UGGT1: variants seen among roughly 807,000 people sequenced by gnomAD.
UGGT1 encodes the protein UDP-glucose:glycoprotein glucosyltransferase 1.
Under a neutral mutation model 203.9 loss-of-function variants are expected in UGGT1, and 107 were observed. That is an observed-to-expected ratio of 0.52 (90% CI 0.45 to 0.62). The LOEUF (loss-of-function observed/expected upper bound fraction) is 0.62. UGGT1 is among the 20% of genes least tolerant of loss of function. UGGT1 has a pLI of 0.00. For missense variants in UGGT1, 1,673 were observed against 1,867.2 expected, an observed-to-expected ratio of 0.90 and a Z score of 1.92; for synonymous variants, 628 against 653.5, an observed-to-expected ratio of 0.96 and a Z score of 0.59.
In UGGT1 at chr2:128,109,733, A is replaced by C. The variant is rs772240188; in HGVS notation, c.508A>C (p.Thr170Pro). 6.2e-7 allele frequency: 1 copy of C among 1,613,482 alleles called. No individual in the cohort carries two copies. Among genetic ancestry groups the C allele is most frequent in the African/African-American group, 1.3e-5 (1 of 74,926 alleles). Residue 170 changes from threonine to proline, a missense_variant, in exon 5 of 41, where the codon ACA becomes CCA. Thr to Pro is a conservative substitution (Grantham distance 38). Coordinates refer to ENST00000259253, the MANE Select transcript of UGGT1 (RefSeq NM_020120.4). The part of the protein sequence containing the change: ...ESDTLEALLL[T>P]ASERPKPLLF... ...TGATACCCTTGAGGCTCTTCTACTG[A>C]CAGCCTCTGAAAGGTAGATTATGTG... is the stretch of plus-strand genomic sequence containing the variant.
At chr2:128,175,312 G>A (rs1206309735) in intron 31 of UGGT1, among the ~76,000 whole-genome samples, 2 of 152,352 alleles carry the variant, frequency 1.3e-5, no homozygotes, top group South Asian at 2.1e-4. Flanking sequence ...TCCTTGGTCT[G>A]TGGTGGCATA....
At position 128,159,613 on chromosome 2, in the gene UGGT1, C is replaced by T. The variant is rs1181955504; in HGVS notation, c.2455C>T (p.Gln819Ter). 6.2e-7 allele frequency: 1 copy of T among 1,614,136 alleles called. No individual in the cohort carries two copies. Among genetic ancestry groups the T allele is most frequent in the South Asian group, 1.1e-5 (1 of 91,082 alleles). Residue 819 changes from glutamine to a stop codon, truncating the protein, a stop_gained, in exon 23 of 41, where the codon CAA becomes TAA. Coordinates refer to ENST00000259253, the MANE Select transcript of UGGT1 (RefSeq NM_020120.4). LOFTEE classifies it high-confidence loss of function. Reference protein sequence around the residue: ...QISRAIWAALQTQTSNAAKNF... With the variant: ...QISRAIWAAL The stretch of plus-strand genomic sequence containing the variant: ...CTCCAGAGCAATCTGGGCAGCTCTC[C>T]AAACTCAGACTTCCAACGCTGCTAA...
At position 128,121,246 on chromosome 2, in the gene UGGT1, T is replaced by C; in HGVS notation, c.1021T>C (p.Leu341=). Residue 341 remains leucine (L), a synonymous_variant, in exon 10 of 41, where the codon TTG becomes CTG. Transcript: ENST00000259253. The stretch of plus-strand genomic sequence containing the variant: ...TCGAATCTTGGCTTCTCCTGTTGAG[T>C]TGGCTTTGGTTGTCATGAAGGATCT... ...AARILASPVE[L]ALVVMKDLSQ... is the part of the protein sequence containing the mutation. The C allele has an allele frequency of 1.2e-6, 2 of 1,613,444 alleles. No homozygotes were observed. The highest frequency in any genetic ancestry group is 1.1e-5 in the South Asian group (1 of 90,860).
chr2:128,156,815 C>T (rs770853053), intron 21 of UGGT1, among the ~76,000 whole-genome samples: 1 of 152,124 alleles, frequency 6.6e-6, no homozygotes, highest in Non-Finnish European at 1.5e-5. Flanking sequence ...AGTGATCCAC[C>T]CTCCTGAACC....
At chr2:128,110,832 C>T (rs925594446) in intron 5 of UGGT1, among the ~76,000 whole-genome samples, 3 of 152,114 alleles carry the variant, frequency 2.0e-5, no homozygotes, top group South Asian at 4.1e-4. Context: ...GTAAGACTGT[C>T]CCGTAATTGG....
At position 128,159,586 on chromosome 2, in the gene UGGT1, A is replaced by G; in HGVS notation, c.2428A>G (p.Ile810Val). 1 of 1,614,220 alleles carries G rather than the reference A, an allele frequency of 6.2e-7. No homozygotes were observed. Among genetic ancestry groups the G allele is most frequent in the African/African-American group, 1.3e-5 (1 of 75,058 alleles). The change falls in exon 23 of 41, where the codon ATC (isoleucine) becomes GTC (valine). Residue 810 changes from isoleucine to valine, a missense_variant. By Grantham distance (29) the Ile-to-Val change is conservative (BLOSUM62 3). Around this residue, in one of 4 missense-constraint regions of UGGT1, gnomAD observed 1,073 missense variants for 1,078.7 expected, o/e 0.99. Coordinates refer to ENST00000259253, the MANE Select transcript of UGGT1 (RefSeq NM_020120.4). ...AKEISYENTQ[I>V]SRAIWAALQT... is the part of the protein sequence containing the mutation. Reference sequence around the variant, plus strand: ...AGAGATAAGCTATGAGAACACTCAGATCTCCAGAGCAATCTGGGCAGCTCT... The same window carrying G: ...AGAGATAAGCTATGAGAACACTCAGGTCTCCAGAGCAATCTGGGCAGCTCT...
chr2:128,165,055 A>G (rs1278522168), intron 26 of UGGT1, among the ~76,000 whole-genome samples: 1 of 152,176 alleles, frequency 6.6e-6, no homozygotes, highest in Non-Finnish European at 1.5e-5. Flanking sequence ...TGAATCTGAA[A>G]TAACTCTGAG....
chr2:128,145,768 A>T, intron 17 of UGGT1, 35 bp from the exon 18 acceptor site: 1 of 1,505,290 alleles, frequency 6.6e-7, no homozygotes. Context: ...ACAAAAGGCA[A>T]AAATATACTG....
At chr2:128,118,154 TGTTGA>T (rs374194821) in intron 8 of UGGT1, among the ~76,000 whole-genome samples, 54 of 152,308 alleles carry the variant, frequency 3.5e-4, no homozygotes, top group African/African-American at 1.2e-3. Flanking sequence ...TTGAATTACA[TGTTGA>T]GTTCATCCTA....
chr2:128,181,752 T>TA (rs1402794888), intron 36 of UGGT1, among the ~76,000 whole-genome samples: 2 of 152,292 alleles, frequency 1.3e-5, no homozygotes, highest in Non-Finnish European at 2.9e-5. Context: ...GTTGAGTACT[T>TA]ACGATGGGCA....
intron 3 of UGGT1, among the ~76,000 whole-genome samples, chr2:128,107,066 T>A (rs1392854654): frequency 1.3e-5 from 2 of 152,166 alleles, no homozygotes; most frequent in Non-Finnish European, 2.9e-5. Context: ...CACAGAGAAA[T>A]CTTGTTTCTT....
At chr2:128,128,730 A>G (rs187303782) in intron 12 of UGGT1, among the ~76,000 whole-genome samples, 29 of 152,332 alleles carry the variant, frequency 1.9e-4, no homozygotes, top group African/African-American at 6.7e-4. Flanking sequence ...ATTGAAACAT[A>G]TATTAAGCAT....
chr2:128,145,632 T>C, intron 17 of UGGT1, 171 bp from the exon 18 acceptor site: 1 of 666,370 alleles, frequency 1.5e-6, no homozygotes, highest in Non-Finnish European at 2.3e-6. Flanking sequence ...AGTAGGATAT[T>C]AACTTTGATG....
intron 5 of UGGT1, among the ~76,000 whole-genome samples, chr2:128,112,069 C>T (rs1005901457): frequency 4.0e-5 from 6 of 151,196 alleles, no homozygotes; most frequent in African/African-American, 7.3e-5. Context: ...AGCGATCACG[C>T]GACTGTGCTC....
Position 128,172,778 on chromosome 2 carries a change from T to G in UGGT1, c.3294+16T>G. On this transcript the variant is annotated intron_variant, in intron 29 of 40. Coordinates refer to ENST00000259253, the MANE Select transcript of UGGT1 (RefSeq NM_020120.4). ...TTTAGAAGAGGTAAGACCATATCTA[T>G]TGCTTCCAAATACCTAATCATGTAT... The G allele has an allele frequency of 6.2e-7, 1 of 1,605,894 alleles. No homozygotes were observed. Among genetic ancestry groups the G allele is most frequent in the Non-Finnish European group, 8.5e-7 (1 of 1,174,180 alleles).
intron 21 of UGGT1, 140 bp downstream of exon 21, chr2:128,156,555 A>AT (rs397792244): frequency 0.18 from 71,712 of 402,014 alleles, 3,041 homozygotes; most frequent in African/African-American, 0.27. Flanking sequence ...AATGTAGATA[A>AT]TTTTTTTTTT....
chr2:128,124,140 G>A (rs1435228835), intron 11 of UGGT1, among the ~76,000 whole-genome samples: 1 of 152,054 alleles, frequency 6.6e-6, no homozygotes, highest in African/African-American at 2.4e-5. Flanking sequence ...TAGAGACGGG[G>A]TTTCACCGTG....
At chr2:128,127,302 A>C in intron 11 of UGGT1, 59 bp from the exon 12 acceptor site, 1 of 1,256,942 alleles carries the variant, frequency 8.0e-7, no homozygotes, top group Non-Finnish European at 1.1e-6. Flanking sequence ...CCCAGAAACA[A>C]TAAAATTTTT....
At position 128,156,413 on chromosome 2, in the gene UGGT1, A is replaced by C. The variant is rs186864707; in HGVS notation, c.2258A>C (p.Tyr753Ser). Residue 753 changes from tyrosine to serine, a missense_variant and splice_region_variant, in exon 21 of 41, where the codon TAT becomes TCT. Tyr to Ser is a moderately radical substitution (Grantham distance 144). This residue lies in a region of UGGT1 where 1,073 missense variants were observed against 1,078.7 expected (regional missense o/e 0.99). Coordinates refer to ENST00000259253, the MANE Select transcript of UGGT1 (RefSeq NM_020120.4). ...TCAGGAATGTCCTCCAAGGAAATCT[A>C]TGGTAACTTAAAACTTCAGAATGTT... ...TKKGMSSKEI[Y>S]DDSFIRPVTF... 1.5e-5 allele frequency: 24 copies of C among 1,593,692 alleles called. No individual in the cohort carries two copies. The highest frequency in any genetic ancestry group is 2.1e-5 in the Non-Finnish European group (24 of 1,162,844).
Sources: allele counts gnomAD v4.1 joint callset (sites outside exome capture counted in the v4.1 genomes callset), GRCh38; gene constraint gnomAD v4.1.1; regional missense constraint gnomAD v4.1.1; transcripts MANE v1.5; gene names NCBI Gene and HGNC (gene_info 2026-07-23, HGNC 2026-07-21).